The following VGLL4 variants were observed in gnomAD, a reference collection of about 807,000 sequenced individuals.
VGLL4 encodes the protein transcription cofactor vestigial-like protein 4.
Under a neutral mutation model 21.0 loss-of-function variants are expected in VGLL4, and 7 were observed. The ratio of observed to expected loss-of-function variants is 0.33; its 90% CI spans 0.19 to 0.63. VGLL4 has a LOEUF of 0.63. VGLL4 is among the 20% of genes least tolerant of loss of function. The pLI, the probability that VGLL4 is intolerant of heterozygous loss-of-function variation, is 0.78. For missense variants in VGLL4, 394 were observed against 425.7 expected, an observed-to-expected ratio of 0.93 and a Z score of 0.66; for synonymous variants, 222 against 173.2, an observed-to-expected ratio of 1.28 and a Z score of -2.21.
intron 2 of VGLL4, among the ~76,000 whole-genome samples, chr3:11,581,806 A>T (rs774275608): frequency 9.9e-5 from 15 of 152,016 alleles, no homozygotes; most frequent in Non-Finnish European, 2.2e-4. Context: ...AACCTAAAAC[A>T]TACCCCCTTT....
chr3:11,708,934 G>C (rs1041869617), intron 1 of VGLL4, among the ~76,000 whole-genome samples: 2 of 151,930 alleles, frequency 1.3e-5, no homozygotes, highest in East Asian at 3.9e-4. Context: ...TGGTGGTGAT[G>C]GCACCGGTAA....
At chr3:11,609,316 A>C (rs933875022) in intron 1 of VGLL4, among the ~76,000 whole-genome samples, 1 of 152,244 alleles carries the variant, frequency 6.6e-6, no homozygotes, top group Non-Finnish European at 1.5e-5. Context: ...AATACTTTCC[A>C]AACTTTTACA....
chr3:11,601,227 G>C (rs2074788643), intron 2 of VGLL4, among the ~76,000 whole-genome samples: 1 of 152,232 alleles, frequency 6.6e-6, no homozygotes, highest in South Asian at 2.1e-4. Flanking sequence ...TTCATGTCAA[G>C]AAGGTAGACA....
intron 2 of VGLL4, among the ~76,000 whole-genome samples, chr3:11,569,379 C>T (rs934297616): frequency 1.3e-5 from 2 of 152,210 alleles, no homozygotes; most frequent in South Asian, 2.1e-4. Flanking sequence ...CATGGCATGG[C>T]AGGTGCTCCC....
intron 2 of VGLL4, among the ~76,000 whole-genome samples, chr3:11,659,320 CT>C (rs2076001420): frequency 2.0e-4 from 23 of 113,776 alleles, no homozygotes; most frequent in African/African-American, 5.5e-4. Context: ...TTTTCTTTTT[CT>C]TTTTCTTTTT....
chr3:11,573,800 G>A (rs1243285500), intron 2 of VGLL4, among the ~76,000 whole-genome samples: 2 of 152,212 alleles, frequency 1.3e-5, no homozygotes, highest in Non-Finnish European at 2.9e-5. Context: ...AAAAGACATT[G>A]AAGTCCTAAC....
intron 2 of VGLL4, among the ~76,000 whole-genome samples, chr3:11,656,031 G>A (rs183109998): frequency 2.3e-4 from 35 of 152,320 alleles, no homozygotes; most frequent in Middle Eastern, 3.4e-3. Context: ...GGAGCGAACT[G>A]AAGAATGAAG....
At chr3:11,651,488 A>T (rs2075872023) in intron 2 of VGLL4, among the ~76,000 whole-genome samples, 1 of 152,124 alleles carries the variant, frequency 6.6e-6, no homozygotes, top group African/African-American at 2.4e-5. Context: ...TAGCTGAATT[A>T]CCAACCCCCC....
intron 2 of VGLL4, among the ~76,000 whole-genome samples, chr3:11,667,723 T>C (rs2125363213): frequency 6.6e-6 from 1 of 151,636 alleles, no homozygotes; most frequent in Non-Finnish European, 1.5e-5. Context: ...CCTTTAAAAC[T>C]CCCCCAGTAT....
intron 1 of VGLL4, among the ~76,000 whole-genome samples, chr3:11,631,481 C>G (rs1455955144): frequency 1.3e-5 from 2 of 152,106 alleles, no homozygotes; most frequent in Non-Finnish European, 2.9e-5. Flanking sequence ...TGATAAGGAT[C>G]AAACCCATCA....
rs568986212 is a variant in VGLL4 at position 11,676,529 on chromosome 3, C to T, written c.64+26442G>A. ...GTGCTGAAGTATAATATTTCATCTA[C>T]TGAATCACAAATCTTGAAAAGAAAG... On this transcript the variant is annotated intron_variant, in intron 2 of 5. Coordinates refer to the VGLL4 transcript ENST00000273038. Among the ~76,000 whole-genome samples the T allele has an allele frequency of 1.5e-3, 226 of 151,652 alleles. 4 individuals carry two copies. The highest frequency in any genetic ancestry group is 5.3e-3 in the African/African-American group (221 of 41,362).
intron 1 of VGLL4, among the ~76,000 whole-genome samples, chr3:11,629,784 A>G (rs1045336997): frequency 2.0e-5 from 3 of 151,802 alleles, no homozygotes; most frequent in African/African-American, 7.3e-5. Context: ...ACGTAGCTGG[A>G]AAGGAGTAGA....
At chr3:11,670,974 T>A (rs1024216300) in intron 2 of VGLL4, among the ~76,000 whole-genome samples, 1 of 152,114 alleles carries the variant, frequency 6.6e-6, no homozygotes, top group African/African-American at 2.4e-5. Flanking sequence ...GAGGCAGAGG[T>A]TGCAGTGAGC....
chr3:11,562,441 G>T (rs1361344657), intron 3 of VGLL4, among the ~76,000 whole-genome samples: 2 of 152,102 alleles, frequency 1.3e-5, no homozygotes, highest in Non-Finnish European at 2.9e-5. Flanking sequence ...TGCAGCATGC[G>T]TCCTGCCTGC....
intron 2 of VGLL4, among the ~76,000 whole-genome samples, chr3:11,571,784 G>A (rs564571318): frequency 1.3e-5 from 2 of 152,252 alleles, no homozygotes; most frequent in African/African-American, 2.4e-5. Flanking sequence ...CATCTATTGC[G>A]AGACAGCTGT....
chr3:11,645,459 G>A (rs1291992214), upstream of VGLL4, among the ~76,000 whole-genome samples: 2 of 140,526 alleles, frequency 1.4e-5, no homozygotes, highest in Non-Finnish European at 1.5e-5. Flanking sequence ...GCGCGGTGGC[G>A]GGCGCCTGTA....
chr3:11,586,046 T>G lies in VGLL4; in HGVS notation c.272+15787A>C, dbSNP rs545561358. On this transcript the variant is annotated intron_variant, in intron 2 of 4. Coordinates refer to ENST00000430365, the MANE Select transcript of VGLL4 (RefSeq NM_001128219.3). ...CCTGCAAAGTGGGACAACTCCTAGA[T>G]TAAAGATTGCTAGAAAATACAATGA... Among the ~76,000 whole-genome samples the G allele has an allele frequency of 6.6e-5, 10 of 152,278 alleles. 1 individual carries two copies. The South Asian group carries it at 1.7e-3, about 25-fold the overall frequency.
intron 4 of VGLL4, 68 bp from the exon 5 acceptor site, chr3:11,558,895 ACCCT>A (rs1174155223): frequency 6.4e-7 from 1 of 1,556,194 alleles, no homozygotes; most frequent in Admixed American, 1.7e-5. Flanking sequence ...CGGTTGCAGC[ACCCT>A]CCCTCAGGCA....
chr3:11,632,707 T>A (rs1186600209), intron 1 of VGLL4, among the ~76,000 whole-genome samples: 1 of 152,188 alleles, frequency 6.6e-6, no homozygotes. Flanking sequence ...CTAACAGACA[T>A]CAACCTGGCA....
Sources: allele counts gnomAD v4.1 joint callset (sites outside exome capture counted in the v4.1 genomes callset), GRCh38; gene constraint gnomAD v4.1.1; transcripts MANE v1.5; gene names NCBI Gene and HGNC (gene_info 2026-07-23, HGNC 2026-07-21).